The following PMEPA1 variants were observed in gnomAD, a reference collection of about 807,000 sequenced individuals.
PMEPA1 encodes the protein prostate transmembrane protein, androgen induced 1.
PMEPA1 carries 11 observed loss-of-function variants against 23.0 expected under a neutral mutation model. The observed-to-expected ratio is 0.48, with a 90% confidence interval of 0.30 to 0.79. The LOEUF (loss-of-function observed/expected upper bound fraction) is 0.79. Ranked by LOEUF, PMEPA1 falls within the 30% of genes least tolerant of loss-of-function variation. The pLI is 0.06. For synonymous variants in PMEPA1, 204 were observed against 166.4 expected (o/e 1.23, Z -1.74); for missense variants, 377 against 390.9 (o/e 0.96, Z 0.30).
At chr20:57,677,153 G>A (rs1489059660) in intron 1 of PMEPA1, among the ~76,000 whole-genome samples, 5 of 152,178 alleles carry the variant, frequency 3.3e-5, no homozygotes, top group Non-Finnish European at 5.9e-5. Context: ...ACTCTGCATC[G>A]CCTGGTGGCC....
chr20:57,702,174 C>A (rs945654537), intron 1 of PMEPA1, among the ~76,000 whole-genome samples: 1 of 152,220 alleles, frequency 6.6e-6, no homozygotes, highest in African/African-American at 2.4e-5. Flanking sequence ...TGACGTTCTG[C>A]GGCCCTGGGA....
chr20:57,652,252 C>T lies in PMEPA1; in HGVS notation c.665G>A (p.Gly222Asp). 1.2e-6 allele frequency: 2 copies of T among 1,607,756 alleles called. No individual in the cohort carries two copies. Among genetic ancestry groups the T allele is most frequent in the Non-Finnish European group, 1.7e-6 (2 of 1,179,366 alleles). Residue 222 changes from glycine to aspartate, a missense_variant, in exon 4 of 4, where the codon GGC (glycine) becomes GAC (aspartate). Coordinates refer to ENST00000341744, the MANE Select transcript of PMEPA1 (RefSeq NM_020182.5). This position sits in a 1 kb window ranked among gnomAD's most constrained non-coding sequence, Gnocchi z 6.1. ...GGGCGGCGGCCCCTCCATGCGCCCGCCGCTGCCGTAGCACGTGGCGCTGAT... is the reference window on the plus strand; with the variant it reads ...GGGCGGCGGCCCCTCCATGCGCCCGTCGCTGCCGTAGCACGTGGCGCTGAT... ...SGISATCYGS[G>D]GRMEGPPPTY...
chr20:57,663,069 A>G (rs1353874566), intron 1 of PMEPA1, among the ~76,000 whole-genome samples: 1 of 152,190 alleles, frequency 6.6e-6, no homozygotes, highest in Non-Finnish European at 1.5e-5. Context: ...CGCTCCCAGA[A>G]ATGAGCACCG....
chr20:57,666,471 G>C (rs1022232936), intron 1 of PMEPA1, among the ~76,000 whole-genome samples: 6 of 152,292 alleles, frequency 3.9e-5, no homozygotes, highest in Admixed American at 1.3e-4. Context: ...GACCGCCAAA[G>C]ACCGCACAGT....
At chr20:57,698,980 C>T (rs1568685084) in intron 1 of PMEPA1, among the ~76,000 whole-genome samples, 6 of 152,220 alleles carry the variant, frequency 3.9e-5, no homozygotes, top group Admixed American at 2.6e-4. Context: ...CTGACATCCA[C>T]GAGGTGTTTC....
chr20:57,711,366 G>A (rs1178230843), upstream of PMEPA1: 4 of 152,170 alleles, frequency 2.6e-5, no homozygotes, highest in African/African-American at 7.2e-5. Context: ...AGAGAAAGCC[G>A]GTGCAGGAAG....
At chr20:57,690,314 A>AC (rs900007201) in intron 1 of PMEPA1, 4 of 612,966 alleles carry the variant, frequency 6.5e-6, no homozygotes, top group Admixed American at 2.4e-5. Context: ...GCCTGCACCC[A>AC]CCCCCACCAC....
chr20:57,697,164 C>G (rs11696308), intron 1 of PMEPA1, among the ~76,000 whole-genome samples: 3,695 of 152,262 alleles, frequency 0.024, 86 homozygotes, highest in Non-Finnish European at 0.032. Flanking sequence ...CTGCATGCAC[C>G]AGGATTTCTG....
At chr20:57,702,787 T>C (rs2072030126) in intron 1 of PMEPA1, among the ~76,000 whole-genome samples, 1 of 152,230 alleles carries the variant, frequency 6.6e-6, no homozygotes, top group South Asian at 2.1e-4. Context: ...TTTTGAACAC[T>C]GAGAAAAATG....
intron 1 of PMEPA1, among the ~76,000 whole-genome samples, chr20:57,688,910 G>A (rs533620058): frequency 5.3e-5 from 8 of 152,184 alleles, no homozygotes; most frequent in Non-Finnish European, 1.2e-4. Context: ...CTGAGCGGGT[G>A]GGGGTGGGAA....
intron 1 of PMEPA1, chr20:57,690,646 G>A (rs1485179631): frequency 1.7e-5 from 18 of 1,063,026 alleles, no homozygotes; most frequent in Admixed American, 3.4e-5. Context: ...CCCAGCCTGC[G>A]CTTCTCCTGC....
rs2071222271 is a variant in PMEPA1, at chr20:57,651,176, G to A, written c.*877C>T. On this transcript the variant is annotated 3_prime_UTR_variant, in exon 4 of 4. Coordinates refer to ENST00000341744, the MANE Select transcript of PMEPA1 (RefSeq NM_020182.5). ...GTGATTTAAAGGCTGTTCTGGGTCA[G>A]GGGGGAAAAGGTGTCTCCTTCGGTA... The A allele has an allele frequency of 6.6e-6, 1 of 152,216 alleles. No homozygotes were observed. Among genetic ancestry groups the A allele is most frequent in the Non-Finnish European group, 1.5e-5 (1 of 68,036 alleles). The allele number at this position is 152,216 out of a possible 1,614,324, so 9.4% of individuals were successfully genotyped here.
rs555771364 is a variant in PMEPA1 at position 57,687,046 on chromosome 20, C to T, written c.109+22428G>A. Among the ~76,000 whole-genome samples the T allele has an allele frequency of 4.6e-5, 7 of 152,372 alleles. No homozygotes were observed. The East Asian group carries it at 7.7e-4, about 17-fold the overall frequency. On this transcript the variant is annotated intron_variant, in intron 1 of 3. Transcript: ENST00000341744. Reference sequence around the variant, plus strand: ...CTCATTTTTAATAATTGCTTTTAAACGACTGTTCCTAATCTTCGCTCCTCT... The same window carrying T: ...CTCATTTTTAATAATTGCTTTTAAATGACTGTTCCTAATCTTCGCTCCTCT...
chr20:57,686,808 G>A (rs73915300), intron 1 of PMEPA1, among the ~76,000 whole-genome samples: 3,030 of 152,296 alleles, frequency 0.02, 90 homozygotes, highest in African/African-American at 0.069. Flanking sequence ...TGCTGGACCC[G>A]CAGTGAACAC....
chr20:57,661,752 G>C (rs376312019), intron 1 of PMEPA1, among the ~76,000 whole-genome samples: 5 of 152,180 alleles, frequency 3.3e-5, no homozygotes, highest in Non-Finnish European at 2.9e-5. Context: ...CACCAGCCTC[G>C]CTCTCCCCAA....
chr20:57,697,296 G>A (rs568432593), intron 1 of PMEPA1, among the ~76,000 whole-genome samples: 3 of 152,376 alleles, frequency 2.0e-5, no homozygotes, highest in African/African-American at 7.2e-5. Context: ...AACCCCGACT[G>A]GGAGCAGACA....
chr20:57,699,445 G>C (rs1440348913), intron 1 of PMEPA1, among the ~76,000 whole-genome samples: 2 of 152,216 alleles, frequency 1.3e-5, no homozygotes, highest in African/African-American at 2.4e-5. Context: ...CAAGATCAGG[G>C]AGAGTAAGGA....
At chr20:57,695,491 G>A (rs369409651) in intron 1 of PMEPA1, among the ~76,000 whole-genome samples, 21 of 152,354 alleles carry the variant, frequency 1.4e-4, no homozygotes, top group East Asian at 9.6e-4. Context: ...TTCACAATCC[G>A]TCTGCCCTGC....
intron 1 of PMEPA1, among the ~76,000 whole-genome samples, chr20:57,681,594 C>T (rs1406106517): frequency 2.0e-5 from 3 of 152,186 alleles, no homozygotes; most frequent in Non-Finnish European, 2.9e-5. Flanking sequence ...CAACCATTGT[C>T]GTTTCACGTT....
Sources: allele counts gnomAD v4.1 joint callset (sites outside exome capture counted in the v4.1 genomes callset), GRCh38; gene constraint gnomAD v4.1.1; non-coding constraint Gnocchi (gnomAD v3.1); transcripts MANE v1.5; gene names NCBI Gene and HGNC (gene_info 2026-07-23, HGNC 2026-07-21).